The following MSI2 variants were observed in gnomAD, a reference collection of about 807,000 sequenced individuals.
MSI2 encodes the protein RNA-binding protein Musashi homolog 2.
MSI2 carries 17 observed loss-of-function variants against 45.6 expected under a neutral mutation model. The ratio of observed to expected loss-of-function variants is 0.37; its 90% CI spans 0.26 to 0.56. MSI2 has a LOEUF of 0.56. MSI2 is among the 20% of genes least tolerant of loss of function. The probability of loss-of-function intolerance (pLI) is 0.77; values close to 1 mark genes in which losing one functional copy is unlikely to be tolerated. For missense variants in MSI2, 293 were observed against 444.2 expected (o/e 0.66, Z 3.06); for synonymous variants, 156 against 158.2 (o/e 0.99, Z 0.11).
chr17:57,432,037 G>A (rs565192017), intron 6 of MSI2, among the ~76,000 whole-genome samples: 10 of 152,176 alleles, frequency 6.6e-5, no homozygotes, highest in East Asian at 1.9e-4. Flanking sequence ...CCCTCAACAC[G>A]TTCAGCCTTT....
At chr17:57,323,453 C>G (rs547816539) in intron 5 of MSI2, among the ~76,000 whole-genome samples, 119 of 152,350 alleles carry the variant, frequency 7.8e-4, no homozygotes, top group African/African-American at 2.7e-3. Context: ...CCGCTGGGCA[C>G]TTGGGCCCTC....
At chr17:57,574,703 C>T (rs1378119103) in intron 7 of MSI2, among the ~76,000 whole-genome samples, 5 of 152,154 alleles carry the variant, frequency 3.3e-5, no homozygotes, top group African/African-American at 1.2e-4. Flanking sequence ...TGGGTTCTGT[C>T]CTAGCTTTTG....
At chr17:57,373,227 C>CA (rs35853201) in intron 5 of MSI2, among the ~76,000 whole-genome samples, 104,821 of 147,908 alleles carry the variant, frequency 0.71, 37,049 homozygotes, top group East Asian at 0.76. Flanking sequence ...TCCAGCCTGT[C>CA]AAAAAAAAAA....
downstream of MSI2, among the ~76,000 whole-genome samples, chr17:57,686,453 T>G (rs969140648): frequency 2.0e-5 from 3 of 152,188 alleles, no homozygotes; most frequent in Admixed American, 1.3e-4. Context: ...TATGAATGGG[T>G]TGAATTTTCT....
intron 13 of MSI2, among the ~76,000 whole-genome samples, chr17:57,678,641 C>A (rs1308939260): frequency 6.9e-6 from 1 of 144,534 alleles, no homozygotes; most frequent in African/African-American, 2.5e-5. Context: ...CTCCATATAA[C>A]CCCAAGGCCA....
At chr17:57,443,080 GC>G in intron 6 of MSI2, among the ~76,000 whole-genome samples, 2 of 152,240 alleles carry the variant, frequency 1.3e-5, no homozygotes, top group Non-Finnish European at 2.9e-5. Context: ...TGTCTGCCTG[GC>G]TGATGTCTGT....
At chr17:57,393,951 G>A (rs2083842892) in intron 5 of MSI2, among the ~76,000 whole-genome samples, 1 of 152,178 alleles carries the variant, frequency 6.6e-6, no homozygotes, top group African/African-American at 2.4e-5. Flanking sequence ...CAAGGTGCTG[G>A]GATTACAGGT....
At chr17:57,511,399 A>T (rs1218783882) in intron 6 of MSI2, among the ~76,000 whole-genome samples, 1 of 152,136 alleles carries the variant, frequency 6.6e-6, no homozygotes, top group East Asian at 1.9e-4. Flanking sequence ...CACCCACCCC[A>T]CACTTACCCA....
intron 8 of MSI2, among the ~76,000 whole-genome samples, chr17:57,606,563 G>T (rs1430759352): frequency 6.6e-6 from 1 of 152,032 alleles, no homozygotes; most frequent in Non-Finnish European, 1.5e-5. Flanking sequence ...TGATATTGGG[G>T]ACCAGCTCCT....
chr17:57,361,606 CAAAAAAAA>C (rs34432170), intron 5 of MSI2, among the ~76,000 whole-genome samples: 3 of 71,776 alleles, frequency 4.2e-5, no homozygotes, highest in South Asian at 5.0e-4. Flanking sequence ...GACCTTGTCT[CAAAAAAAA>C]AAAAAAAAAG....
intron 6 of MSI2, among the ~76,000 whole-genome samples, chr17:57,504,878 C>T (rs2086193670): frequency 1.3e-5 from 2 of 150,884 alleles, no homozygotes; most frequent in African/African-American, 4.9e-5. Context: ...TTGTGGTGAG[C>T]CGAGATCACA....
chr17:57,303,369 A>T (rs1911588394), intron 5 of MSI2, among the ~76,000 whole-genome samples: 1 of 152,222 alleles, frequency 6.6e-6, no homozygotes, highest in African/African-American at 2.4e-5. Flanking sequence ...CCCCATGAGA[A>T]GAATTGCAGG....
At chr17:57,571,876 A>G (rs2087887868) in intron 7 of MSI2, among the ~76,000 whole-genome samples, 2 of 152,162 alleles carry the variant, frequency 1.3e-5, no homozygotes, top group African/African-American at 4.8e-5. Flanking sequence ...CCCCGCCCAC[A>G]TCAGGAGAGG....
chr17:57,441,057 A>G (rs181337344), intron 6 of MSI2, among the ~76,000 whole-genome samples: 136 of 152,252 alleles, frequency 8.9e-4, no homozygotes, highest in African/African-American at 3.2e-3. Context: ...CTGGAGACGG[A>G]TGTTTTCAGG....
chr17:57,502,570 A>G (rs1014157590), intron 6 of MSI2, among the ~76,000 whole-genome samples: 4 of 137,902 alleles, frequency 2.9e-5, no homozygotes, highest in South Asian at 2.4e-4. Context: ...TGTTTGAGGG[A>G]TATGGACAGG....
At chr17:57,327,862 G>C (rs758081099) in intron 5 of MSI2, among the ~76,000 whole-genome samples, 1 of 152,158 alleles carries the variant, frequency 6.6e-6, no homozygotes, top group Non-Finnish European at 1.5e-5. Flanking sequence ...GACTGCTTGT[G>C]TGTGTGGGAG....
intron 6 of MSI2, among the ~76,000 whole-genome samples, chr17:57,450,562 CG>C (rs2084997541): frequency 6.8e-6 from 1 of 147,868 alleles, no homozygotes; most frequent in Non-Finnish European, 1.5e-5. Flanking sequence ...CCCAATTACT[CG>C]GGAGGCTGAG....
At chr17:57,396,150 T>C (rs1009572771) in intron 5 of MSI2, among the ~76,000 whole-genome samples, 6 of 152,344 alleles carry the variant, frequency 3.9e-5, no homozygotes, top group African/African-American at 1.4e-4. Context: ...ATTTAATTCC[T>C]GTGGGCCTTT....
At chr17:57,548,898 T>TCCCCCCCCCCCCCCCCCCCCCCC (rs758120237) in intron 7 of MSI2, among the ~76,000 whole-genome samples, 11 of 121,276 alleles carry the variant, frequency 9.1e-5, no homozygotes, top group African/African-American at 1.7e-4. Context: ...TGTTTACCCT[T>TCCCCCCCCCCCCCCCCCCCCCCC]CCCCCCCCCA....
Sources: gnomAD v4.1 joint callset for allele counts (sites outside exome capture counted in the v4.1 genomes callset) on GRCh38, gnomAD v4.1.1 for gene constraint, MANE v1.5 for transcripts, NCBI Gene and HGNC (gene_info 2026-07-23, HGNC 2026-07-21) for gene names.